The following LARGE1 variants were observed in gnomAD, a reference collection of about 807,000 sequenced individuals.
LARGE1 encodes xylosyl- and glucuronyltransferase LARGE1.
In LARGE1, 43 loss-of-function variants were observed where a neutral mutation model predicts 87.6. That is an observed-to-expected ratio of 0.49 (90% CI 0.38 to 0.63). The LOEUF is 0.63. Ranked by LOEUF, LARGE1 falls within the 30% of genes least tolerant of loss-of-function variation. The pLI, the probability that LARGE1 is intolerant of heterozygous loss-of-function variation, is 0.00. For missense variants in LARGE1, 802 were observed against 1,000.2 expected, an observed-to-expected ratio of 0.80 and a Z score of 2.67; for synonymous variants, 434 against 394.6, an observed-to-expected ratio of 1.10 and a Z score of -1.18.
At chr22:33,194,712 G>A (rs1923975235) in intron 11 of LARGE1, among the ~76,000 whole-genome samples, 1 of 152,112 alleles carries the variant, frequency 6.6e-6, no homozygotes, top group Non-Finnish European at 1.5e-5. Flanking sequence ...CCACCCTGCA[G>A]GCCACATTCT....
chr22:33,654,415 T>G (rs1019441639), intron 2 of LARGE1, among the ~76,000 whole-genome samples: 24 of 152,286 alleles, frequency 1.6e-4, no homozygotes, highest in African/African-American at 5.5e-4. Context: ...CAGCTCTAAC[T>G]CTCCGTAGCT....
the LARGE1 span, among the ~76,000 whole-genome samples, chr22:33,089,132 A>G: frequency 1.3e-5 from 2 of 152,200 alleles, no homozygotes; most frequent in African/African-American, 2.4e-5. Context: ...GGAGGAGACA[A>G]TAAGTCTTTC....
chr22:33,120,783 C>G, the LARGE1 span, among the ~76,000 whole-genome samples: 15 of 152,016 alleles, frequency 9.9e-5, no homozygotes, highest in Non-Finnish European at 2.2e-4. Flanking sequence ...TCCCAAAGTG[C>G]TGGGCTTACA....
At chr22:33,465,198 A>G (rs1285066833) in intron 6 of LARGE1, among the ~76,000 whole-genome samples, 4 of 152,264 alleles carry the variant, frequency 2.6e-5, no homozygotes, top group African/African-American at 9.6e-5. Flanking sequence ...GAAGCAAGTC[A>G]CAGAAGTATT....
intron 6 of LARGE1, among the ~76,000 whole-genome samples, chr22:33,557,281 T>C (rs1030901317): frequency 6.6e-6 from 1 of 152,116 alleles, no homozygotes; most frequent in Non-Finnish European, 1.5e-5. Flanking sequence ...GGGAAAAAAA[T>C]CCTTGGTGTT....
chr22:33,554,620 T>C (rs1371403868), intron 6 of LARGE1, among the ~76,000 whole-genome samples: 3 of 152,150 alleles, frequency 2.0e-5, no homozygotes, highest in African/African-American at 4.8e-5. Context: ...CGGGCCACAG[T>C]GGTCTTTTGC....
At chr22:33,383,248 G>A (rs1313049655) in intron 8 of LARGE1, among the ~76,000 whole-genome samples, 4 of 152,100 alleles carry the variant, frequency 2.6e-5, no homozygotes, top group Middle Eastern at 6.3e-3. Context: ...TCAAAATGAG[G>A]AATAGGTTTT....
intron 11 of LARGE1, among the ~76,000 whole-genome samples, chr22:33,188,115 A>G (rs1923584482): frequency 6.6e-6 from 1 of 151,876 alleles, no homozygotes; most frequent in Non-Finnish European, 1.5e-5. Flanking sequence ...ATATGCATCA[A>G]TTAAAAATTT....
chr22:33,807,606 C>T (rs1026231274), intron 1 of LARGE1, among the ~76,000 whole-genome samples: 2 of 152,170 alleles, frequency 1.3e-5, no homozygotes, highest in East Asian at 1.9e-4. Flanking sequence ...TATGTAATTA[C>T]ACATATCATA....
At chr22:33,577,061 GAGAT>G (rs1372438732) in intron 5 of LARGE1, among the ~76,000 whole-genome samples, 1 of 152,016 alleles carries the variant, frequency 6.6e-6, no homozygotes, top group Non-Finnish European at 1.5e-5. Flanking sequence ...GCTAAGAAGA[GAGAT>G]AATCACTCTG....
chr22:33,192,850 G>T (rs927072203), intron 11 of LARGE1, among the ~76,000 whole-genome samples: 1 of 152,014 alleles, frequency 6.6e-6, no homozygotes, highest in Non-Finnish European at 1.5e-5. Flanking sequence ...TTGTGTATGG[G>T]GTGAGATAAG....
chr22:33,214,828 C>T lies in LARGE1; in HGVS notation c.1731-47996G>A, dbSNP rs923446195. Among the ~76,000 whole-genome samples, 8 of 152,264 alleles carry T rather than the reference C, an allele frequency of 5.3e-5. No individual in the cohort carries two copies. In the East Asian group the frequency reaches 9.7e-4, roughly 18 times the overall value. ...AGAATTTTCTGGGGCATTGACTTTG[C>T]GATGTGGCTTTATTCCTTTATGTTA... On this transcript the variant is annotated intron_variant, in intron 11 of 11. Coordinates refer to the LARGE1 transcript ENST00000608642.
At chr22:33,142,727 A>T in the LARGE1 span, among the ~76,000 whole-genome samples, 5 of 152,174 alleles carry the variant, frequency 3.3e-5, no homozygotes, top group Admixed American at 3.3e-4. Flanking sequence ...TATTTTGCCC[A>T]GTTTTATTAT....
chr22:33,910,514 G>A (rs73154565), intron 1 of LARGE1, among the ~76,000 whole-genome samples: 3,402 of 152,186 alleles, frequency 0.022, 54 homozygotes, highest in Middle Eastern at 0.044. Flanking sequence ...CCAACACACT[G>A]TCCTCTGGGC....
intron 6 of LARGE1, among the ~76,000 whole-genome samples, chr22:33,500,776 TA>T (rs1348819099): frequency 3.3e-5 from 5 of 152,190 alleles, no homozygotes; most frequent in African/African-American, 1.2e-4. Context: ...TGAGTGGCAT[TA>T]TCAATAAATG....
At position 33,876,055 on chromosome 22, in the gene LARGE1, A is replaced by G. The variant is rs142045718; in HGVS notation, c.-83+43940T>C. Among the ~76,000 whole-genome samples, 447 of 152,298 alleles carry G rather than the reference A, an allele frequency of 2.9e-3. 3 individuals are homozygous for G. The highest frequency in any genetic ancestry group is 4.9e-3 in the Non-Finnish European group (335 of 68,010). On this transcript the variant is annotated intron_variant, in intron 1 of 14. Transcript: ENST00000397394. The stretch of plus-strand genomic sequence containing the variant: ...AACAAAACGTCATAGAAGAAAACAT[A>G]CAGGATGGTCAAGAATGCAGGCTTT...
chr22:33,503,888 C>T (rs565410656), intron 6 of LARGE1, among the ~76,000 whole-genome samples: 11 of 152,152 alleles, frequency 7.2e-5, no homozygotes, highest in Admixed American at 2.0e-4. Flanking sequence ...TCAGTCGAAC[C>T]GATGAATGGA....
chr22:33,094,295 G>A, the LARGE1 span, among the ~76,000 whole-genome samples: 1 of 152,002 alleles, frequency 6.6e-6, no homozygotes, highest in African/African-American at 2.4e-5. Context: ...CCTCATTAGA[G>A]GCTCCCCATC....
chr22:33,410,042 G>A (rs951092754), intron 7 of LARGE1, among the ~76,000 whole-genome samples: 2 of 152,032 alleles, frequency 1.3e-5, no homozygotes, highest in East Asian at 1.9e-4. Flanking sequence ...GGAAGGAAAG[G>A]AGGACATGCC....
Sources: allele counts gnomAD v4.1 joint callset (sites outside exome capture counted in the v4.1 genomes callset), GRCh38; gene constraint gnomAD v4.1.1; transcripts MANE v1.5; gene names NCBI Gene and HGNC (gene_info 2026-07-23, HGNC 2026-07-21).